Variants in RHBDF1 observed in about 807,000 individuals in gnomAD.
RHBDF1 encodes rhomboid 5 homolog 1, also known as inactive rhomboid protein 1.
RHBDF1 carries 80 observed loss-of-function variants against 98.6 expected under a neutral mutation model. The ratio of observed to expected loss-of-function variants is 0.81; its 90% CI spans 0.68 to 0.98. The LOEUF (loss-of-function observed/expected upper bound fraction) is 0.98. RHBDF1 is among the 50% of genes least tolerant of loss of function. RHBDF1 has a pLI of 0.00. For missense variants in RHBDF1, 1,116 were observed against 1,198.3 expected, an observed-to-expected ratio of 0.93 and a Z score of 1.01; for synonymous variants, 512 against 486.8, an observed-to-expected ratio of 1.05 and a Z score of -0.68.
rs979451055 is a variant in RHBDF1, at chr16:58,178, G to C, written c.*162C>G. ...TATAATAAATGCCCGGCAGTACGAG[G>C]GGTTCAACAGAAGTGAACAAGGCAC... On this transcript the variant is annotated 3_prime_UTR_variant, in exon 18 of 18. Coordinates refer to ENST00000262316, the MANE Select transcript of RHBDF1 (RefSeq NM_022450.5). 8 of 643,402 alleles carry C rather than the reference G, an allele frequency of 1.2e-5. No individual in the cohort carries two copies. The allele number at this position is 643,402 out of a possible 1,614,324, so 39.9% of individuals were successfully genotyped here. A position where few individuals can be genotyped will look rare whatever the true frequency, so the allele number is the denominator to read the frequency against.
intron 16 of RHBDF1, 30 bp from the exon 17 acceptor site, chr16:59,157 G>A (rs763582053): frequency 1.9e-6 from 3 of 1,607,008 alleles, no homozygotes; most frequent in South Asian, 2.2e-5. Context: ...GGGGTCGGGA[G>A]ACATTCAGCA....
At chr16:60,567 C>T in intron 11 of RHBDF1, 28 bp from the exon 12 acceptor site, 2 of 1,582,080 alleles carry the variant, frequency 1.3e-6, no homozygotes, top group Non-Finnish European at 1.7e-6. Context: ...AGGGTCAGGT[C>T]CAGTTGGGTC....
chr16:70,760 C>G (rs971973456), intron 1 of RHBDF1, among the ~76,000 whole-genome samples: 4 of 152,248 alleles, frequency 2.6e-5, no homozygotes, highest in Admixed American at 6.5e-5. Flanking sequence ...GGGACCCTGT[C>G]TGCAGACCCC....
intron 12 of RHBDF1, 44 bp downstream of exon 12, chr16:60,395 A>T: frequency 1.3e-6 from 2 of 1,595,536 alleles, no homozygotes; most frequent in South Asian, 2.2e-5. Context: ...CCCCCGGGGA[A>T]GGTGTGGACA....
At chr16:64,015 C>T in intron 3 of RHBDF1, 1 of 712,986 alleles carries the variant, frequency 1.4e-6, no homozygotes, top group Middle Eastern at 2.3e-4. Flanking sequence ...CCGCAGCTGG[C>T]CTTGCCCGGT....
At chr16:63,524 C>A (rs369275078) in intron 4 of RHBDF1, 63 bp downstream of exon 4, 3 of 1,382,102 alleles carry the variant, frequency 2.2e-6, no homozygotes, top group Non-Finnish European at 2.9e-6. Flanking sequence ...TGGCTGTGTC[C>A]GCAGCCCCAG....
At position 63,748 on chromosome 16, in the gene RHBDF1, A is replaced by G; in HGVS notation, c.301T>C (p.Trp101Arg). ...VSKDSDSTQK[W>R]QRKSIRHCSQ... ...CAGTGACGGATGCTCTTGCGCTGCC[A>G]TTTCTGGGTGCTGTCACTGTCCTTG... Residue 101 changes from tryptophan to arginine, a missense_variant, in exon 4 of 18, where the codon TGG (tryptophan) becomes CGG (arginine). By Grantham distance (101) the Trp-to-Arg change is moderately radical. Coordinates refer to ENST00000262316, the MANE Select transcript of RHBDF1 (RefSeq NM_022450.5). 6.2e-7 allele frequency: 1 copy of G among 1,613,834 alleles called. No homozygotes were observed. The highest frequency in any genetic ancestry group is 8.5e-7 in the Non-Finnish European group (1 of 1,179,954).
upstream of RHBDF1, chr16:74,088 C>G (rs892091087): frequency 3.6e-6 from 1 of 277,046 alleles, no homozygotes; most frequent in African/African-American, 2.3e-5. Context: ...GGTAACTCCA[C>G]CAGGGGATGA....
At chr16:64,201 G>A in intron 3 of RHBDF1, 1 of 1,277,852 alleles carries the variant, frequency 7.8e-7, no homozygotes, top group Non-Finnish European at 1.0e-6. Flanking sequence ...ACTTGGACAT[G>A]CAAACAAAAA....
At chr16:65,439 G>C (rs1897803921) in intron 1 of RHBDF1, among the ~76,000 whole-genome samples, 1 of 152,340 alleles carries the variant, frequency 6.6e-6, no homozygotes, top group South Asian at 2.1e-4. Flanking sequence ...GGGAGCGGGG[G>C]AAGCAAACTA....
chr16:62,726 C>A, intron 6 of RHBDF1, 31 bp from the exon 7 acceptor site: 2 of 1,614,106 alleles, frequency 1.2e-6, no homozygotes, highest in Non-Finnish European at 1.7e-6. Flanking sequence ...AGGGTGGACA[C>A]AGGCAGGAAG....
At position 58,808 on chromosome 16, in the gene RHBDF1, C is replaced by A. The variant is rs554498307; in HGVS notation, c.2149-49G>T. The A allele has an allele frequency of 6.3e-6, 10 of 1,587,574 alleles. No homozygotes were observed. In the African/African-American group the frequency reaches 1.3e-4, roughly 21 times the overall value. On this transcript the variant is annotated intron_variant, in intron 17 of 17. Transcript: ENST00000262316. ...TAAGGCAGTGGGGCTGGGCAGGCCC[C>A]CTGGACCCAAGGCCTCATCTTTCTG...
chr16:70,008 A>AG (rs1491167187), intron 1 of RHBDF1, among the ~76,000 whole-genome samples: 3 of 48,716 alleles, frequency 6.2e-5, no homozygotes, highest in African/African-American at 1.6e-4. Context: ...AGCACTTGGC[A>AG]GGAGGGGGGG....
intron 11 of RHBDF1, 173 bp from the exon 12 acceptor site, chr16:60,712 G>A (rs1897578486): frequency 1.7e-6 from 1 of 589,178 alleles, no homozygotes; most frequent in Non-Finnish European, 3.0e-6. Flanking sequence ...GAGTTTGACG[G>A]CATAATTCCT....
chr16:61,286 G>A lies in RHBDF1; in HGVS notation c.1396-5C>T. 2 of 1,543,072 alleles carry A rather than the reference G, an allele frequency of 1.3e-6. No homozygotes were observed. Among genetic ancestry groups the A allele is most frequent in the South Asian group, 1.2e-5 (1 of 83,520 alleles). On this transcript the variant is annotated splice_region_variant and splice_polypyrimidine_tract_variant and intron_variant, in intron 10 of 17. Transcript: ENST00000262316. ...GCCCAGGTGGATGAGGGCCTCCTGCGGGCGAGGGAGACGAGCGGCCGCAGT... is the reference window on the plus strand; with the variant it reads ...GCCCAGGTGGATGAGGGCCTCCTGCAGGCGAGGGAGACGAGCGGCCGCAGT...
At chr16:60,381 A>G in intron 12 of RHBDF1, 58 bp downstream of exon 12, 9 of 1,597,444 alleles carry the variant, frequency 5.6e-6, no homozygotes, top group Non-Finnish European at 7.7e-6. Context: ...CCTCTGCACC[A>G]CAGCCCCCGG....
At chr16:64,490 G>A in intron 3 of RHBDF1, 3 of 1,528,674 alleles carry the variant, frequency 2.0e-6, no homozygotes, top group Non-Finnish European at 2.6e-6. Flanking sequence ...GAGAGAGTGA[G>A]TGCTGAAGAG....
At chr16:70,465 A>ACCC (rs773688438) in intron 1 of RHBDF1, among the ~76,000 whole-genome samples, 1 of 152,070 alleles carries the variant, frequency 6.6e-6, no homozygotes, top group Non-Finnish European at 1.5e-5. Context: ...CAACCCTGCA[A>ACCC]CCCCCTCCCA....
intron 1 of RHBDF1, among the ~76,000 whole-genome samples, chr16:69,912 G>A (rs1897926264): frequency 6.6e-6 from 1 of 151,822 alleles, no homozygotes; most frequent in African/African-American, 2.4e-5. Context: ...CCTGCTACAG[G>A]CCATCTGTGA....
Sources: gnomAD v4.1 joint callset for allele counts (sites outside exome capture counted in the v4.1 genomes callset) on GRCh38, gnomAD v4.1.1 for gene constraint, MANE v1.5 for transcripts, NCBI Gene and HGNC (gene_info 2026-07-23, HGNC 2026-07-21) for gene names.